Variants in SEMA5A observed in about 807,000 individuals in gnomAD.
The protein encoded by SEMA5A is semaphorin 5A.
SEMA5A carries 55 observed loss-of-function variants against 135.5 expected under a neutral mutation model. The ratio of observed to expected loss-of-function variants is 0.41; its 90% CI spans 0.33 to 0.51. The LOEUF (loss-of-function observed/expected upper bound fraction) is 0.51. SEMA5A is among the 20% of genes least tolerant of loss of function. The pLI is 0.37. For synonymous variants in SEMA5A, 580 were observed against 546.5 expected, an observed-to-expected ratio of 1.06 and a Z score of -0.85; for missense variants, 1,290 against 1,419.9, an observed-to-expected ratio of 0.91 and a Z score of 1.47.
chr5:9,119,202 T>C, intron 14 of SEMA5A, 61 bp from the exon 15 acceptor site: 1 of 1,578,152 alleles, frequency 6.3e-7, no homozygotes, highest in South Asian at 1.2e-5. Flanking sequence ...AAGCCCTGTC[T>C]GCACCCACGG....
In SEMA5A at chr5:9,057,665, C is replaced by T. The variant is rs367622225; in HGVS notation, c.2519-3408G>A. Among the ~76,000 whole-genome samples the T allele has an allele frequency of 3.0e-4, 45 of 152,300 alleles. 1 individual carries two copies. In the East Asian group the frequency reaches 8.3e-3, roughly 28 times the overall value. ...CTTGGGAGTTCAAATCACAAGATCA[C>T]ACTCTACCTCTACCAATTTCAGCAG... On this transcript the variant is annotated intron_variant, in intron 18 of 22. Coordinates refer to ENST00000382496, the MANE Select transcript of SEMA5A (RefSeq NM_003966.3).
At chr5:9,263,380 G>T (rs921668946) in intron 5 of SEMA5A, among the ~76,000 whole-genome samples, 2 of 152,278 alleles carry the variant, frequency 1.3e-5, no homozygotes, top group Non-Finnish European at 1.5e-5. Context: ...AGTGGCATTA[G>T]ATTCTCTTAG....
intron 8 of SEMA5A, among the ~76,000 whole-genome samples, chr5:9,207,874 TA>T (rs879822638): frequency 0.45 from 62,981 of 140,318 alleles, 13,522 homozygotes; most frequent in South Asian, 0.58. Context: ...GATAGATAGA[TA>T]GATAGATAGA....
intron 2 of SEMA5A, among the ~76,000 whole-genome samples, chr5:9,393,375 G>A (rs1756249699): frequency 1.3e-5 from 2 of 152,010 alleles, no homozygotes; most frequent in Non-Finnish European, 2.9e-5. Flanking sequence ...AACCATCTAC[G>A]GTGTTCCTCA....
chr5:9,421,485 C>T (rs961142703), intron 2 of SEMA5A, among the ~76,000 whole-genome samples: 8 of 152,108 alleles, frequency 5.3e-5, no homozygotes, highest in African/African-American at 1.7e-4. Context: ...TTTATTTTTA[C>T]AATATATATG....
intron 1 of SEMA5A, among the ~76,000 whole-genome samples, chr5:9,512,909 G>C (rs923016224): frequency 7.9e-5 from 12 of 151,986 alleles, no homozygotes; most frequent in African/African-American, 2.4e-4. Flanking sequence ...AAGTTTTTCA[G>C]TAATTAAGCA....
chr5:9,301,873 T>A (rs563328586), intron 5 of SEMA5A, among the ~76,000 whole-genome samples: 1 of 152,252 alleles, frequency 6.6e-6, no homozygotes, highest in Non-Finnish European at 1.5e-5. Context: ...GACTTTATTC[T>A]CTCACAGTTC....
intron 1 of SEMA5A, among the ~76,000 whole-genome samples, chr5:9,469,031 T>C (rs907665575): frequency 2.0e-5 from 3 of 152,162 alleles, no homozygotes; most frequent in Non-Finnish European, 4.4e-5. Flanking sequence ...GTTTTTGAGA[T>C]GAAGTCTCTC....
chr5:9,063,152 G>A (rs977590340), intron 17 of SEMA5A, 47 bp from the exon 18 acceptor site: 1 of 1,527,022 alleles, frequency 6.5e-7, no homozygotes, highest in Non-Finnish European at 8.9e-7. Flanking sequence ...AGTTTCAGAG[G>A]AACTACAGTC....
At chr5:9,480,169 C>T (rs1392452054) in intron 1 of SEMA5A, among the ~76,000 whole-genome samples, 2 of 152,162 alleles carry the variant, frequency 1.3e-5, no homozygotes, top group African/African-American at 4.8e-5. Context: ...ACAACTAAAC[C>T]ATCTCTAGAC....
At chr5:9,344,395 T>C (rs1409308363) in intron 3 of SEMA5A, among the ~76,000 whole-genome samples, 1 of 152,186 alleles carries the variant, frequency 6.6e-6, no homozygotes, top group African/African-American at 2.4e-5. Flanking sequence ...ATAAAGAGCA[T>C]GAATCCTTAC....
chr5:9,491,180 A>C (rs903831342), intron 1 of SEMA5A, among the ~76,000 whole-genome samples: 1 of 151,808 alleles, frequency 6.6e-6, no homozygotes, highest in African/African-American at 2.4e-5. Flanking sequence ...ACACACACCC[A>C]TTTGCCTCAG....
chr5:9,421,913 G>A (rs1040102804), intron 2 of SEMA5A, among the ~76,000 whole-genome samples: 3 of 152,106 alleles, frequency 2.0e-5, no homozygotes, highest in African/African-American at 7.2e-5. Flanking sequence ...CCAACCTTAT[G>A]CCTATTGCAG....
chr5:9,356,921 A>G (rs1754476000), intron 3 of SEMA5A, among the ~76,000 whole-genome samples: 1 of 152,204 alleles, frequency 6.6e-6, no homozygotes, highest in Admixed American at 6.5e-5. Context: ...ATGAACTCCA[A>G]GCAGCCTCCT....
At chr5:9,124,412 C>T (rs1443072708) in intron 13 of SEMA5A, among the ~76,000 whole-genome samples, 1 of 152,146 alleles carries the variant, frequency 6.6e-6, no homozygotes, top group African/African-American at 2.4e-5. Flanking sequence ...CAGAGCTCTC[C>T]TCAGAAAGGC....
chr5:9,043,032 A>AG lies in SEMA5A; in HGVS notation c.3106-17_3106-16insC, dbSNP rs769929089. ...TGTTAAATGCCTGGAAAATATATTA[A>AG]AAAAAAACAGGTTTAAGAATGCTGA... On this transcript the variant is annotated splice_polypyrimidine_tract_variant and intron_variant, in intron 22 of 22. Transcript: ENST00000382496. The AG allele has an allele frequency of 3.8e-6, 6 of 1,591,254 alleles. No individual in the cohort carries two copies. The highest frequency in any genetic ancestry group is 1.7e-6 in the Non-Finnish European group (2 of 1,165,650).
rs114616560 is a variant in SEMA5A at position 9,109,713 on chromosome 5, G to T, written c.1926-1426C>A. ...CTGCAGGGCCTATGCAACAGGAATTGCAGAAGGCTTCCTGATCACAGGTAT... is the reference window on the plus strand; with the variant it reads ...CTGCAGGGCCTATGCAACAGGAATTTCAGAAGGCTTCCTGATCACAGGTAT... On this transcript the variant is annotated intron_variant, in intron 15 of 22. Transcript: ENST00000382496. Among the ~76,000 whole-genome samples, 415 of 152,334 alleles carry T rather than the reference G, an allele frequency of 2.7e-3. 3 individuals carry two copies. Among genetic ancestry groups the T allele is most frequent in the African/African-American group, 9.7e-3 (404 of 41,586 alleles).
At chr5:9,414,797 T>C (rs1194038554) in intron 2 of SEMA5A, among the ~76,000 whole-genome samples, 1 of 152,170 alleles carries the variant, frequency 6.6e-6, no homozygotes, top group African/African-American at 2.4e-5. Context: ...GACTCTACCC[T>C]GGGAAAGTGA....
intron 16 of SEMA5A, among the ~76,000 whole-genome samples, chr5:9,079,735 A>G (rs1254100899): frequency 3.3e-5 from 5 of 152,212 alleles, no homozygotes; most frequent in Non-Finnish European, 7.3e-5. Flanking sequence ...AAGTGGGTGA[A>G]GGATATGAAC....
Sources: allele counts gnomAD v4.1 joint callset (sites outside exome capture counted in the v4.1 genomes callset), GRCh38; gene constraint gnomAD v4.1.1; transcripts MANE v1.5; gene names NCBI Gene and HGNC (gene_info 2026-07-23, HGNC 2026-07-21).